The following RAD21 variants were observed in gnomAD, a reference collection of about 807,000 sequenced individuals.
RAD21 encodes double-strand-break repair protein rad21 homolog.
RAD21 carries 18 observed loss-of-function variants against 71.5 expected under a neutral mutation model. The ratio of observed to expected loss-of-function variants is 0.25; its 90% CI spans 0.17 to 0.37. RAD21 has a LOEUF of 0.37. RAD21 is among the 10% of genes least tolerant of loss of function. RAD21 has a pLI of 1.00. For synonymous variants in RAD21, 248 were observed against 254.0 expected (o/e 0.98, Z 0.22); for missense variants, 493 against 769.1 (o/e 0.64, Z 4.25).
Position 116,861,944 on chromosome 8 carries a change from G to A in RAD21, c.275-4C>T. On this transcript the variant is annotated splice_polypyrimidine_tract_variant and splice_region_variant and intron_variant, in intron 3 of 13. Coordinates refer to ENST00000297338, the MANE Select transcript of RAD21 (RefSeq NM_006265.3). ...TCCTCAGGCAGGTCAACCACACCTA[G>A]AAAAGAAATGCTAAGCTTAAATATC... 1 of 1,597,080 alleles carries A rather than the reference G, an allele frequency of 6.3e-7. No homozygotes were observed. Among genetic ancestry groups the A allele is most frequent in the Non-Finnish European group, 8.6e-7 (1 of 1,165,538 alleles).
At chr8:116,850,914 T>C (rs1812336598) in intron 11 of RAD21, 147 bp from the exon 12 acceptor site, 1 of 501,962 alleles carries the variant, frequency 2.0e-6, no homozygotes, top group East Asian at 2.9e-5. Flanking sequence ...GAAAAATTTA[T>C]TACAGTATAT....
chr8:116,862,057 T>C (rs1468430635), intron 3 of RAD21, 117 bp from the exon 4 acceptor site: 6 of 691,802 alleles, frequency 8.7e-6, no homozygotes, highest in Non-Finnish European at 1.5e-5. Context: ...GTTGATAACA[T>C]ATGCAAAATA....
chr8:116,851,854 A>T (rs1586263872), intron 11 of RAD21, 94 bp downstream of exon 11: 1 of 1,375,154 alleles, frequency 7.3e-7, no homozygotes, highest in East Asian at 2.3e-5. Context: ...TTTCTGTCAA[A>T]ACCAAGATAC....
In RAD21 at chr8:116,854,663, G is replaced by A. The variant is rs982638455; in HGVS notation, c.938-195C>T. ...TCAGAAGAGAGGCTGGAACACAACG[G>A]GCATTCAACAAAAATTTGCTGAATG... On this transcript the variant is annotated intron_variant, in intron 8 of 13. Coordinates refer to ENST00000297338, the MANE Select transcript of RAD21 (RefSeq NM_006265.3). Among the ~76,000 whole-genome samples the A allele has an allele frequency of 4.6e-5, 7 of 151,964 alleles. No individual in the cohort carries two copies. The East Asian group carries it at 1.2e-3, about 25-fold the overall frequency.
At chr8:116,849,510 C>G (rs928347480) in intron 12 of RAD21, 3 of 152,794 alleles carry the variant, frequency 2.0e-5, no homozygotes, top group Non-Finnish European at 4.4e-5. Flanking sequence ...ACCAAAGAGC[C>G]TGCAGACTAC....
intron 11 of RAD21, chr8:116,851,548 G>A (rs549733389): frequency 4.5e-5 from 7 of 154,936 alleles, no homozygotes; most frequent in African/African-American, 1.4e-4. Flanking sequence ...GGTAGTCAAA[G>A]TTTGAATGAA....
Position 116,847,239 on chromosome 8 carries a change from G to C in RAD21, c.*261C>G. ...ACATGCACCAATATTGCACACATCT[G>C]TTCTGAACTGTTAAAATCATCTTCT... On this transcript the variant is annotated 3_prime_UTR_variant, in exon 14 of 14. Coordinates refer to ENST00000297338, the MANE Select transcript of RAD21 (RefSeq NM_006265.3). 5.0e-6 allele frequency: 2 copies of C among 396,412 alleles called. No homozygotes were observed. Among genetic ancestry groups the C allele is most frequent in the Non-Finnish European group, 9.1e-6 (2 of 220,748 alleles). The allele number at this position is 396,412 out of a possible 1,614,324, so 24.6% of individuals were successfully genotyped here.
chr8:116,851,881 A>C (rs1812356030), intron 11 of RAD21, 67 bp downstream of exon 11: 8 of 1,497,648 alleles, frequency 5.3e-6, no homozygotes, highest in Non-Finnish European at 7.3e-6. Context: ...AGGCCTCCCT[A>C]AATACCACTT....
Position 116,851,976 on chromosome 8 carries a change from C to T in RAD21, c.1442G>A (p.Gly481Glu). ...PPPQGVKRKA[G>E]QIDPEPVMPP... ...CATCACAGGCTCTGGGTCAATTTGT[C>T]CAGCTTTTCGCTTAACTCCCTGAGG... is the stretch of plus-strand genomic sequence containing the variant. Residue 481 changes from glycine (G) to glutamate (E), a missense_variant, in exon 11 of 14, where the codon GGA becomes GAA. By Grantham distance (98) the Gly-to-Glu change is moderately conservative. Around this residue, in one of 5 missense-constraint regions of RAD21, gnomAD observed 225 missense variants for 218.3 expected, o/e 1.03. Transcript: ENST00000297338. The T allele has an allele frequency of 6.2e-7, 1 of 1,610,162 alleles. No homozygotes were observed.
At chr8:116,868,809 AT>A (rs35540220) in intron 1 of RAD21, among the ~76,000 whole-genome samples, 6,391 of 144,426 alleles carry the variant, frequency 0.044, 376 homozygotes, top group African/African-American at 0.14. Context: ...AGTTCAACTA[AT>A]TTTTTTTTTT....
chr8:116,855,920 C>T (rs1238357756), intron 8 of RAD21, among the ~76,000 whole-genome samples: 2 of 152,078 alleles, frequency 1.3e-5, no homozygotes, highest in Non-Finnish European at 2.9e-5. Context: ...CTTGCACAGA[C>T]ATTCTACAAA....
At chr8:116,851,694 G>A (rs1264448962) in intron 11 of RAD21, 1 of 323,138 alleles carries the variant, frequency 3.1e-6, no homozygotes, top group African/African-American at 2.1e-5. Flanking sequence ...CAACTTCAGA[G>A]TCAAGGATGC....
At chr8:116,849,717 T>C (rs953534868) in intron 12 of RAD21, among the ~76,000 whole-genome samples, 2 of 152,182 alleles carry the variant, frequency 1.3e-5, no homozygotes, top group Non-Finnish European at 2.9e-5. Flanking sequence ...ACAACTATTT[T>C]AATACTCATT....
rs369816312 is a variant in RAD21, at chr8:116,852,713, T to TAA, written c.1162-7_1162-6dup. On this transcript the variant is annotated splice_polypyrimidine_tract_variant and splice_region_variant and intron_variant, in intron 9 of 13. Coordinates refer to ENST00000297338, the MANE Select transcript of RAD21 (RefSeq NM_006265.3). ...TGTAAGACAGCGTGTAAAGAGCTATTAAAAAAAAAAAAAAGAAAAATTTCA... is the reference window on the plus strand; with the variant it reads ...TGTAAGACAGCGTGTAAAGAGCTATTAAAAAAAAAAAAAAAAGAAAAATTTCA... 2.0e-3 allele frequency: 2,340 copies of TAA among 1,167,612 alleles called. No individual in the cohort carries two copies. The highest frequency in any genetic ancestry group is 3.4e-3 in the South Asian group (162 of 47,576). 72.3% of individuals were successfully genotyped at this position (1,167,612 alleles called of 1,614,324 possible). A position where few individuals can be genotyped will look rare whatever the true frequency, so the allele number is the denominator to read the frequency against.
At chr8:116,858,501 A>G (rs959866053) in intron 4 of RAD21, 43 bp from the exon 5 acceptor site, 19 of 1,496,966 alleles carry the variant, frequency 1.3e-5, no homozygotes, top group Non-Finnish European at 1.7e-5. Context: ...AAGTCTATGT[A>G]TAAGAAAAAC....
intron 1 of RAD21, chr8:116,874,285 GC>G (rs1812919468): frequency 6.6e-6 from 1 of 152,512 alleles, no homozygotes; most frequent in Non-Finnish European, 1.5e-5. Context: ...GGTTTCCCCG[GC>G]CTCCTGGGGG....
At position 116,870,368 on chromosome 8, in the gene RAD21, T is replaced by A. The variant is rs185401655; in HGVS notation, c.-32-3607A>T. Among the ~76,000 whole-genome samples the A allele has an allele frequency of 3.4e-3, 517 of 151,920 alleles. 1 individual carries two copies. Among genetic ancestry groups the A allele is most frequent in the African/African-American group, 0.012 (479 of 41,406 alleles). The stretch of plus-strand genomic sequence containing the variant: ...ATAGCAAGACCCCGTGTTTATTTTT[T>A]AAAAAAAAGAAATTAAAGAATGAAG... On this transcript the variant is annotated intron_variant, in intron 1 of 13. Coordinates refer to ENST00000297338, the MANE Select transcript of RAD21 (RefSeq NM_006265.3).
Position 116,847,692 on chromosome 8 carries a change from C to A in RAD21, c.1705-1G>T, listed in dbSNP as rs1280489007. 1.2e-6 allele frequency: 2 copies of A among 1,609,436 alleles called. No individual in the cohort carries two copies. The highest frequency in any genetic ancestry group is 1.1e-5 in the South Asian group (1 of 90,462). On this transcript the variant is annotated splice_acceptor_variant, in intron 13 of 13. Coordinates refer to ENST00000297338, the MANE Select transcript of RAD21 (RefSeq NM_006265.3). LOFTEE classifies it high-confidence loss of function. ...CAGCTCCAGTTTTAGCAAGAGCACG[C>A]TGAAATAAAACCAAAAAAGGGTAAC...
At chr8:116,867,843 T>A (rs1259448342) in intron 1 of RAD21, among the ~76,000 whole-genome samples, 1 of 152,222 alleles carries the variant, frequency 6.6e-6, no homozygotes, top group Admixed American at 6.5e-5. Flanking sequence ...TACAATATAG[T>A]ATCAAAACCA....
Sources: gnomAD v4.1 joint callset for allele counts (sites outside exome capture counted in the v4.1 genomes callset) on GRCh38, gnomAD v4.1.1 for gene constraint, gnomAD v4.1.1 regional missense constraint, MANE v1.5 for transcripts, NCBI Gene and HGNC (gene_info 2026-07-23, HGNC 2026-07-21) for gene names.